ZPBP: variants seen among roughly 807,000 people sequenced by gnomAD.
ZPBP encodes the protein zona pellucida-binding protein 1.
Under a neutral mutation model 44.8 loss-of-function variants are expected in ZPBP, and 26 were observed. The ratio of observed to expected loss-of-function variants is 0.58; its 90% CI spans 0.43 to 0.81. ZPBP has a LOEUF of 0.81. Ranked by LOEUF, ZPBP falls within the 30% of genes least tolerant of loss-of-function variation. The pLI is 0.00. For missense variants in ZPBP, 409 were observed against 434.0 expected (o/e 0.94, Z 0.51); for synonymous variants, 174 against 153.2 (o/e 1.14, Z -1.00).
chr7:49,884,276 AC>A (rs1159239144), intron 2 of ZPBP, among the ~76,000 whole-genome samples: 3 of 152,242 alleles, frequency 2.0e-5, no homozygotes, highest in Non-Finnish European at 4.4e-5. Flanking sequence ...CTATGGAAAC[AC>A]AGGGGTTCCC....
intron 5 of ZPBP, among the ~76,000 whole-genome samples, chr7:50,025,444 C>A (rs961866108): frequency 6.6e-6 from 1 of 151,580 alleles, no homozygotes; most frequent in African/African-American, 2.4e-5. Context: ...ACAAAGAGAC[C>A]AATGTAAGTG....
intron 6 of ZPBP, among the ~76,000 whole-genome samples, chr7:50,010,999 A>G (rs1373953622): frequency 6.6e-6 from 1 of 151,990 alleles, no homozygotes; most frequent in Non-Finnish European, 1.5e-5. Flanking sequence ...ACAGCATAGT[A>G]CTGTATAAAA....
intron 2 of ZPBP, among the ~76,000 whole-genome samples, chr7:50,083,798 A>AC (rs750218036): frequency 3.3e-5 from 5 of 152,022 alleles, no homozygotes; most frequent in Non-Finnish European, 7.4e-5. Flanking sequence ...ATGTAAACTT[A>AC]GATTTATACC....
In ZPBP at chr7:50,056,978, A is replaced by G. The variant is rs192870147; in HGVS notation, c.487+1011T>C. Among the ~76,000 whole-genome samples the G allele has an allele frequency of 2.9e-3, 435 of 151,988 alleles. 2 individuals are homozygous for G. Among genetic ancestry groups the G allele is most frequent in the Non-Finnish European group, 4.2e-3 (288 of 67,920 alleles). Reference sequence around the variant, plus strand: ...AGGTGGGCAGATCATGAGGTCAGGAAATCGAGACCATCCTGGCTAACACGG... The same window carrying G: ...AGGTGGGCAGATCATGAGGTCAGGAGATCGAGACCATCCTGGCTAACACGG... On this transcript the variant is annotated intron_variant, in intron 4 of 7. Coordinates refer to ENST00000046087, the MANE Select transcript of ZPBP (RefSeq NM_007009.3).
intron 7 of ZPBP, among the ~76,000 whole-genome samples, chr7:49,973,241 A>C (rs1441369004): frequency 6.6e-6 from 1 of 151,216 alleles, no homozygotes; most frequent in Non-Finnish European, 1.5e-5. Context: ...GGACAAATTC[A>C]GTGTCATCAG....
intron 3 of ZPBP, among the ~76,000 whole-genome samples, chr7:50,064,994 T>A (rs1454743456): frequency 6.6e-6 from 1 of 152,220 alleles, no homozygotes; most frequent in East Asian, 1.9e-4. Flanking sequence ...TATAAAAGTA[T>A]TAATTTGGGG....
chr7:50,053,597 A>ATTATAATATTTTTGTTATAAT (rs1217799954), intron 4 of ZPBP, among the ~76,000 whole-genome samples: 1 of 152,166 alleles, frequency 6.6e-6, no homozygotes, highest in Non-Finnish European at 1.5e-5. Flanking sequence ...TTATCTTTTG[A>ATTATAATATTTTTGTTATAAT]ATTTTTGTTA....
intron 6 of ZPBP, among the ~76,000 whole-genome samples, chr7:49,985,528 A>C (rs887787490): frequency 1.3e-5 from 2 of 152,014 alleles, no homozygotes; most frequent in African/African-American, 4.8e-5. Flanking sequence ...AATATGTGTT[A>C]TGAAATTAAT....
At chr7:49,959,661 A>G (rs1257987306) in intron 7 of ZPBP, among the ~76,000 whole-genome samples, 1 of 152,222 alleles carries the variant, frequency 6.6e-6, no homozygotes, top group African/African-American at 2.4e-5. Context: ...GACTAAATAT[A>G]TTTGAGATAA....
chr7:50,078,918 A>G (rs1249525326), intron 3 of ZPBP, among the ~76,000 whole-genome samples: 1 of 57,616 alleles, frequency 1.7e-5, no homozygotes, highest in African/African-American at 5.4e-5. Flanking sequence ...GACACTTCTC[A>G]AAAGAAGTGA....
chr7:50,008,372 T>C (rs1053253538), intron 6 of ZPBP, among the ~76,000 whole-genome samples: 2 of 152,074 alleles, frequency 1.3e-5, no homozygotes, highest in African/African-American at 4.8e-5. Context: ...TGAAAAATAC[T>C]TAAAATGATA....
intron 2 of ZPBP, among the ~76,000 whole-genome samples, chr7:49,879,261 C>T (rs1300919633): frequency 6.6e-6 from 1 of 152,132 alleles, no homozygotes; most frequent in Non-Finnish European, 1.5e-5. Context: ...AATTGAAATT[C>T]TGTCAGATAA....
intron 1 of ZPBP, chr7:49,918,825 T>A (rs1793858627): frequency 6.6e-6 from 1 of 152,200 alleles, no homozygotes. Context: ...ATCCCAGCAC[T>A]TTGGGAGGCT....
intron 6 of ZPBP, among the ~76,000 whole-genome samples, chr7:50,016,397 A>G (rs1182346035): frequency 1.3e-5 from 2 of 152,050 alleles, no homozygotes; most frequent in Non-Finnish European, 2.9e-5. Flanking sequence ...AACAGACACC[A>G]GAGCTTACTT....
chr7:50,020,576 T>C (rs1799045356), intron 5 of ZPBP, among the ~76,000 whole-genome samples: 1 of 152,046 alleles, frequency 6.6e-6, no homozygotes, highest in Non-Finnish European at 1.5e-5. Context: ...TTCTCGCACA[T>C]CCCCTCTTTA....
chr7:49,859,814 ACACACACACACT>A (rs1168823816), intron 2 of ZPBP, among the ~76,000 whole-genome samples: 2 of 148,020 alleles, frequency 1.4e-5, no homozygotes, highest in Non-Finnish European at 2.9e-5. Context: ...ACACACACAC[ACACACACACACT>A]CACTCTGCTG....
chr7:50,024,488 T>C (rs978062773), intron 5 of ZPBP, among the ~76,000 whole-genome samples: 3 of 151,452 alleles, frequency 2.0e-5, no homozygotes, highest in East Asian at 3.9e-4. Context: ...CAGAGGAATA[T>C]TATTCAGCCT....
chr7:49,980,719 C>A (rs1437403070), intron 7 of ZPBP, among the ~76,000 whole-genome samples: 1 of 152,054 alleles, frequency 6.6e-6, no homozygotes, highest in Non-Finnish European at 1.5e-5. Context: ...TTAATCTATT[C>A]ATGAGAGATC....
chr7:50,081,987 G>T, intron 2 of ZPBP, 88 bp from the exon 3 acceptor site: 1 of 1,449,942 alleles, frequency 6.9e-7, no homozygotes, highest in Non-Finnish European at 9.5e-7. Context: ...TGGGTTACAT[G>T]CAATAATAAG....
Sources: gnomAD v4.1 joint callset for allele counts (sites outside exome capture counted in the v4.1 genomes callset) on GRCh38, gnomAD v4.1.1 for gene constraint, MANE v1.5 for transcripts, NCBI Gene and HGNC (gene_info 2026-07-23, HGNC 2026-07-21) for gene names.